Variants in PPP1R1C observed in about 807,000 individuals in gnomAD.
The protein encoded by PPP1R1C is protein phosphatase 1 regulatory subunit 1C.
A neutral mutation model predicts 17.4 loss-of-function variants in PPP1R1C; 15 were observed. That is an observed-to-expected ratio of 0.86 (90% CI 0.58 to 1.33). The LOEUF (loss-of-function observed/expected upper bound fraction) is 1.33. Among genes scored for constraint, PPP1R1C ranks in the 40% most tolerant of loss-of-function variants. The pLI, the probability that PPP1R1C is intolerant of heterozygous loss-of-function variation, is 0.00. For missense variants in PPP1R1C, 143 were observed against 130.0 expected (o/e 1.10, Z -0.48); for synonymous variants, 35 against 43.1 (o/e 0.81, Z 0.73).
intron 4 of PPP1R1C, among the ~76,000 whole-genome samples, chr2:182,091,407 A>G (rs1688775538): frequency 6.6e-6 from 1 of 152,142 alleles, no homozygotes; most frequent in Non-Finnish European, 1.5e-5. Flanking sequence ...CACACTGGAT[A>G]GGTGGATGAG....
intron 2 of PPP1R1C, among the ~76,000 whole-genome samples, chr2:182,017,016 T>C (rs1383383996): frequency 6.6e-6 from 1 of 152,216 alleles, no homozygotes; most frequent in Admixed American, 6.5e-5. Flanking sequence ...CACAAATTCA[T>C]GACAGTATAT....
chr2:182,013,681 G>A lies in PPP1R1C; in HGVS notation c.142+25782G>A, dbSNP rs199544743. Among the ~76,000 whole-genome samples the A allele has an allele frequency of 1.2e-4, 18 of 152,058 alleles. No individual in the cohort carries two copies. The East Asian group carries it at 3.5e-3, about 29-fold the overall frequency. On this transcript the variant is annotated intron_variant, in intron 2 of 4. Transcript: ENST00000682840. ...TCAACTCTTAGATTTGCCCTTTTGAGGCTATTTTCTAGATCTTGCAGGCAT... is the reference window on the plus strand; with the variant it reads ...TCAACTCTTAGATTTGCCCTTTTGAAGCTATTTTCTAGATCTTGCAGGCAT...
intron 2 of PPP1R1C, among the ~76,000 whole-genome samples, chr2:182,037,135 C>G (rs1687035450): frequency 6.6e-6 from 1 of 152,170 alleles, no homozygotes; most frequent in Non-Finnish European, 1.5e-5. Flanking sequence ...TTCCCAGTTG[C>G]TTTGTTACAA....
chr2:182,036,703 TTG>T lies in PPP1R1C; in HGVS notation c.143-24723_143-24722del, dbSNP rs948003275. On this transcript the variant is annotated intron_variant, in intron 2 of 4. Coordinates refer to ENST00000682840, the MANE Select transcript of PPP1R1C (RefSeq NM_001080545.3). ...TCTCTCTGTCTCTCTCTCTATGTGTTTGTGTGTGTGTGTGTGTATATATATAA... is the reference window on the plus strand; with the variant it reads ...TCTCTCTGTCTCTCTCTCTATGTGTTTGTGTGTGTGTGTGTATATATATAA... Among the ~76,000 whole-genome samples the T allele has an allele frequency of 4.4e-3, 660 of 150,884 alleles. 5 individuals carry two copies. Among genetic ancestry groups the T allele is most frequent in the African/African-American group, 0.015 (620 of 41,244 alleles).
In PPP1R1C at chr2:181,976,953, C is replaced by A. The variant is rs1355432708; in HGVS notation, n.157+1689C>A. Reference sequence around the variant, plus strand: ...AGGAGTTCAAGACCAGCCTGGGCAACATAGCGAGACCCTGTCTCTACTAAA... The same window carrying A: ...AGGAGTTCAAGACCAGCCTGGGCAAAATAGCGAGACCCTGTCTCTACTAAA... On this transcript the variant is annotated intron_variant and non_coding_transcript_variant, in intron 2 of 5. Transcript: ENST00000464264. The surrounding 1 kb of genome is among the most constrained non-coding windows in gnomAD (Gnocchi z 4.8). Among the ~76,000 whole-genome samples the A allele has an allele frequency of 2.0e-5, 3 of 151,732 alleles. No homozygotes were observed. Among genetic ancestry groups the A allele is most frequent in the South Asian group, 2.1e-4 (1 of 4,810 alleles).
intron 2 of PPP1R1C, among the ~76,000 whole-genome samples, chr2:182,013,652 A>G (rs13021668): frequency 0.33 from 49,838 of 151,568 alleles, 9,682 homozygotes; most frequent in Non-Finnish European, 0.42. Flanking sequence ...CCTCTTTAAG[A>G]CCATCAACTC....
intron 2 of PPP1R1C, among the ~76,000 whole-genome samples, chr2:182,029,158 CTT>C (rs983419469): frequency 4.1e-5 from 6 of 146,634 alleles, no homozygotes; most frequent in African/African-American, 1.3e-4. Flanking sequence ...GGTCTTGACT[CTT>C]TATCCAATTT....
chr2:182,112,422 C>T (rs1293938283), intron 4 of PPP1R1C, among the ~76,000 whole-genome samples: 2 of 152,074 alleles, frequency 1.3e-5, no homozygotes, highest in African/African-American at 4.8e-5. Context: ...AAAAGTTATA[C>T]CGAAATCTAT....
At chr2:182,111,120 T>C (rs1258087677) in intron 4 of PPP1R1C, among the ~76,000 whole-genome samples, 1 of 152,184 alleles carries the variant, frequency 6.6e-6, no homozygotes, top group African/African-American at 2.4e-5. Flanking sequence ...AATTCATATT[T>C]CTAATATTAA....
chr2:182,042,954 A>T (rs1289054627), intron 2 of PPP1R1C, among the ~76,000 whole-genome samples: 1 of 152,262 alleles, frequency 6.6e-6, no homozygotes, highest in East Asian at 1.9e-4. Flanking sequence ...TACAATAAGA[A>T]TCCTTAAAAA....
At chr2:182,051,346 C>T (rs1687510993) in intron 2 of PPP1R1C, among the ~76,000 whole-genome samples, 1 of 152,138 alleles carries the variant, frequency 6.6e-6, no homozygotes, top group African/African-American at 2.4e-5. Context: ...AAAGAATCAG[C>T]CTCCAGTAAT....
At chr2:182,078,291 C>T (rs1688374898) in intron 4 of PPP1R1C, among the ~76,000 whole-genome samples, 1 of 152,180 alleles carries the variant, frequency 6.6e-6, no homozygotes, top group Non-Finnish European at 1.5e-5. Flanking sequence ...TACTCACCAT[C>T]TGTCTTTAAT....
intron 2 of PPP1R1C, among the ~76,000 whole-genome samples, chr2:182,014,838 C>A (rs1035741152): frequency 6.6e-6 from 1 of 151,800 alleles, no homozygotes; most frequent in African/African-American, 2.4e-5. Flanking sequence ...TCCCCAGGTC[C>A]ATGGTGAGTA....
chr2:181,958,291 G>A (rs1684703633), intron 1 of PPP1R1C, among the ~76,000 whole-genome samples: 1 of 152,174 alleles, frequency 6.6e-6, no homozygotes, highest in South Asian at 2.1e-4. Flanking sequence ...TTGAGGAAAG[G>A]GAGTCATTTT....
intron 4 of PPP1R1C, among the ~76,000 whole-genome samples, chr2:182,112,950 T>C (rs770333909): frequency 8.5e-5 from 13 of 152,188 alleles, no homozygotes; most frequent in African/African-American, 2.7e-4. Context: ...GGCCATTATA[T>C]CATTTGACAT....
upstream of PPP1R1C, among the ~76,000 whole-genome samples, chr2:181,982,096 A>G (rs191436463): frequency 1.1e-3 from 163 of 152,332 alleles, no homozygotes; most frequent in Non-Finnish European, 1.7e-3. Flanking sequence ...AAAATACATT[A>G]AAAAGTTTAA....
At chr2:182,064,070 A>G in intron 4 of PPP1R1C, 1 of 392,622 alleles carries the variant, frequency 2.5e-6, no homozygotes, top group Non-Finnish European at 4.6e-6. Flanking sequence ...CGTTATTCGC[A>G]TACTTCCTTA....
At position 182,098,968 on chromosome 2, in the gene PPP1R1C, C is replaced by A. The variant is rs1226588918; in HGVS notation, c.242-18239C>A. ...CAGGTATGAGAAAGTAATCTGTATT[C>A]TTCAGAAAAATATTGTTAAAATGTT... On this transcript the variant is annotated intron_variant, in intron 4 of 4. Transcript: ENST00000682840. Among the ~76,000 whole-genome samples the A allele has an allele frequency of 2.0e-5, 3 of 152,116 alleles. No homozygotes were observed. The South Asian group carries it at 6.2e-4, about 32-fold the overall frequency.
chr2:182,052,027 C>T (rs1440463207), intron 2 of PPP1R1C, among the ~76,000 whole-genome samples: 3 of 151,588 alleles, frequency 2.0e-5, no homozygotes, highest in African/African-American at 7.3e-5. Flanking sequence ...CATGATAATA[C>T]AATGATTAAT....
Sources: gnomAD v4.1 joint callset for allele counts (sites outside exome capture counted in the v4.1 genomes callset) on GRCh38, gnomAD v4.1.1 for gene constraint, Gnocchi (gnomAD v3.1) non-coding constraint, MANE v1.5 for transcripts, NCBI Gene and HGNC (gene_info 2026-07-23, HGNC 2026-07-21) for gene names.